NTN1: variants seen among roughly 807,000 people sequenced by gnomAD.
NTN1 encodes the protein netrin 1.
NTN1 carries 11 observed loss-of-function variants against 54.2 expected under a neutral mutation model. The observed-to-expected ratio is 0.20, with a 90% CI of 0.13 to 0.34. The LOEUF is 0.34. NTN1 is among the 10% of genes least tolerant of loss of function. The probability of loss-of-function intolerance (pLI) is 1.00; values close to 1 mark genes in which losing one functional copy is unlikely to be tolerated. For missense variants in NTN1, 740 were observed against 893.1 expected, an observed-to-expected ratio of 0.83 and a Z score of 2.18; for synonymous variants, 371 against 382.0, an observed-to-expected ratio of 0.97 and a Z score of 0.33.
chr17:9,134,086 A>G (rs2092274069), intron 2 of NTN1, among the ~76,000 whole-genome samples: 1 of 150,736 alleles, frequency 6.6e-6, no homozygotes, highest in African/African-American at 2.4e-5. Context: ...TTGTATTTTT[A>G]GTAGAGACGA....
intron 2 of NTN1, among the ~76,000 whole-genome samples, chr17:9,140,076 C>T (rs2092293257): frequency 6.6e-6 from 1 of 152,150 alleles, no homozygotes; most frequent in South Asian, 2.1e-4. Context: ...AAACTGGTCT[C>T]ATGACCTGCT....
intron 3 of NTN1, among the ~76,000 whole-genome samples, chr17:9,164,779 G>A (rs1011848652): frequency 2.0e-4 from 30 of 152,118 alleles, no homozygotes; most frequent in African/African-American, 7.2e-4. Flanking sequence ...AAAGGTAGCT[G>A]GGCTGTTTCC....
At chr17:9,222,801 A>T (rs967438345) in intron 6 of NTN1, among the ~76,000 whole-genome samples, 1 of 152,162 alleles carries the variant, frequency 6.6e-6, no homozygotes. Context: ...AGTGGTCAGG[A>T]CCTTTTAGCA....
chr17:9,221,359 G>C lies in NTN1; in HGVS notation c.1486+117G>C. On this transcript the variant is annotated intron_variant, in intron 6 of 6. Transcript: ENST00000173229. The surrounding 1 kb of genome is among the most constrained non-coding windows in gnomAD (Gnocchi z 4.5). ...TGTTGGTCGTGAAGACCCTGTGACC[G>C]ATGGGAACTAGCCGGACGGATCCCA... is the stretch of plus-strand genomic sequence containing the variant. The C allele has an allele frequency of 1.3e-6, 1 of 794,776 alleles. No individual in the cohort carries two copies. The highest frequency in any genetic ancestry group is 2.2e-6 in the Non-Finnish European group (1 of 445,742). 49.2% of individuals were successfully genotyped at this position (794,776 alleles called of 1,614,324 possible).
At chr17:9,112,931 T>G (rs2142253653) in intron 2 of NTN1, among the ~76,000 whole-genome samples, 1 of 152,142 alleles carries the variant, frequency 6.6e-6, no homozygotes, top group African/African-American at 2.4e-5. Flanking sequence ...AGAAAATGTG[T>G]TAGATACGAT....
the NTN1 span, among the ~76,000 whole-genome samples, chr17:9,012,486 G>A: frequency 2.0e-5 from 3 of 151,758 alleles, no homozygotes; most frequent in South Asian, 6.2e-4. Flanking sequence ...ACTCCAGCCA[G>A]GGTGACAGAG....
At chr17:9,112,522 T>A (rs2092195300) in intron 2 of NTN1, among the ~76,000 whole-genome samples, 1 of 152,150 alleles carries the variant, frequency 6.6e-6, no homozygotes, top group South Asian at 2.1e-4. Flanking sequence ...TGATGCTTCT[T>A]TTTTGGTGAT....
In NTN1 at chr17:9,207,487, C is replaced by T. The variant is rs183463350; in HGVS notation, c.1412-13681C>T. Among the ~76,000 whole-genome samples, 13 of 152,316 alleles carry T rather than the reference C, an allele frequency of 8.5e-5. No homozygotes were observed. In the East Asian group the frequency reaches 1.9e-3, roughly 23 times the overall value. On this transcript the variant is annotated intron_variant, in intron 5 of 6. Transcript: ENST00000173229. ...GAACTTTAAAAGATTGTTACAAACG[C>T]TCACCCCCGCTTAATAAATGAGGAA... is the stretch of plus-strand genomic sequence containing the variant.
chr17:9,157,956 G>A (rs1473999241), intron 2 of NTN1, among the ~76,000 whole-genome samples: 1 of 152,266 alleles, frequency 6.6e-6, no homozygotes, highest in Non-Finnish European at 1.5e-5. Context: ...TCTCTCTGAG[G>A]AAGGGGCTAG....
intron 2 of NTN1, among the ~76,000 whole-genome samples, chr17:9,095,447 A>G (rs2092128214): frequency 6.6e-6 from 1 of 152,172 alleles, no homozygotes; most frequent in Non-Finnish European, 1.5e-5. Flanking sequence ...ATCTGATGTA[A>G]GGTAAAGAAT....
intron 2 of NTN1, among the ~76,000 whole-genome samples, chr17:9,094,834 C>G (rs566078944): frequency 6.6e-6 from 1 of 151,860 alleles, no homozygotes; most frequent in African/African-American, 2.4e-5. Context: ...ACTACAAATA[C>G]AAAAATTAGC....
chr17:9,030,537 G>T (rs542159245), intron 2 of NTN1, among the ~76,000 whole-genome samples: 1 of 152,282 alleles, frequency 6.6e-6, no homozygotes, highest in African/African-American at 2.4e-5. Context: ...ACGAGGTCAG[G>T]AGTTCGAAAC....
intron 3 of NTN1, among the ~76,000 whole-genome samples, chr17:9,170,829 C>T (rs533167531): frequency 1.3e-5 from 2 of 152,054 alleles, no homozygotes; most frequent in South Asian, 2.1e-4. Flanking sequence ...CCCACTGTGT[C>T]GTACAGCCCT....
chr17:9,081,617 C>T lies in NTN1; in HGVS notation c.1018+58226C>T, dbSNP rs373887885. On this transcript the variant is annotated intron_variant, in intron 2 of 6. Transcript: ENST00000173229. Reference sequence around the variant, plus strand: ...ACTACCTTTCATCACAACAGGTTAACGAGGAAGCCGACTGCTGTCGCAGAG... The same window carrying T: ...ACTACCTTTCATCACAACAGGTTAATGAGGAAGCCGACTGCTGTCGCAGAG... Among the ~76,000 whole-genome samples the T allele has an allele frequency of 7.0e-4, 107 of 152,302 alleles. 2 individuals are homozygous for T. In the South Asian group the frequency reaches 0.021, roughly 29 times the overall value.
intron 2 of NTN1, among the ~76,000 whole-genome samples, chr17:9,125,742 A>G (rs2092245336): frequency 6.6e-6 from 1 of 152,144 alleles, no homozygotes; most frequent in Non-Finnish European, 1.5e-5. Flanking sequence ...AAGTGCTGAG[A>G]TTACAGGCGT....
intron 6 of NTN1, among the ~76,000 whole-genome samples, chr17:9,227,307 A>G (rs1226058010): frequency 6.9e-6 from 1 of 145,308 alleles, no homozygotes; most frequent in Non-Finnish European, 1.5e-5. Context: ...ACACAATCAC[A>G]AACACACCAC....
intron 6 of NTN1, among the ~76,000 whole-genome samples, chr17:9,236,846 A>G (rs1373353251): frequency 1.3e-5 from 2 of 152,212 alleles, no homozygotes; most frequent in Non-Finnish European, 2.9e-5. Context: ...TTTGGATGCC[A>G]TGCCTGGTTT....
chr17:9,197,734 C>T (rs1388304458), intron 5 of NTN1, among the ~76,000 whole-genome samples: 2 of 150,806 alleles, frequency 1.3e-5, no homozygotes, highest in Non-Finnish European at 3.0e-5. Flanking sequence ...AAGACTGCTT[C>T]AAGATTTTCT....
intron 5 of NTN1, among the ~76,000 whole-genome samples, chr17:9,205,048 A>C (rs1409324031): frequency 6.6e-6 from 1 of 152,122 alleles, no homozygotes; most frequent in East Asian, 1.9e-4. Context: ...ATTACCATTA[A>C]GAGCCAGAAC....
Sources: allele counts gnomAD v4.1 joint callset (sites outside exome capture counted in the v4.1 genomes callset), GRCh38; gene constraint gnomAD v4.1.1; non-coding constraint Gnocchi (gnomAD v3.1); transcripts MANE v1.5; gene names NCBI Gene and HGNC (gene_info 2026-07-23, HGNC 2026-07-21).